Variants in LHFPL3 observed in about 807,000 individuals in gnomAD.
The protein encoded by LHFPL3 is LHFPL tetraspan subfamily member 3.
Under a neutral mutation model 19.3 loss-of-function variants are expected in LHFPL3, and 5 were observed. That is an observed-to-expected ratio of 0.26 (90% confidence interval 0.14 to 0.54). LHFPL3 has a LOEUF of 0.54. Ranked by LOEUF, LHFPL3 falls within the 20% of genes least tolerant of loss-of-function variation. The pLI, the probability that LHFPL3 is intolerant of heterozygous loss-of-function variation, is 0.94. For missense variants in LHFPL3, 249 were observed against 307.4 expected (o/e 0.81, Z 1.42); for synonymous variants, 133 against 126.2 (o/e 1.05, Z -0.36).
rs191864900 is a variant in LHFPL3, at chr7:104,510,157, C to G, written c.445+180933C>G. On this transcript the variant is annotated intron_variant, in intron 1 of 2. Transcript: ENST00000424859. ...CTCACTATAGTAGAGTTATTCTTTCCCAAATTGATTATAGGTTTAGCACAA... is the reference window on the plus strand; with the variant it reads ...CTCACTATAGTAGAGTTATTCTTTCGCAAATTGATTATAGGTTTAGCACAA... Among the ~76,000 whole-genome samples, 8 of 152,038 alleles carry G rather than the reference C, an allele frequency of 5.3e-5. No homozygotes were observed. In the East Asian group the frequency reaches 1.4e-3, roughly 26 times the overall value.
At chr7:104,413,676 C>A (rs773604091) in intron 1 of LHFPL3, among the ~76,000 whole-genome samples, 2 of 152,188 alleles carry the variant, frequency 1.3e-5, no homozygotes, top group Admixed American at 6.5e-5. Flanking sequence ...CGTCCTTCAC[C>A]TTCATGTCCC....
At chr7:104,536,507 C>A (rs966831363) in intron 1 of LHFPL3, among the ~76,000 whole-genome samples, 12 of 152,228 alleles carry the variant, frequency 7.9e-5, no homozygotes, top group Admixed American at 7.8e-4. Flanking sequence ...TCAAATCTGC[C>A]CCTAAAATAA....
At chr7:104,335,865 A>G (rs1266517146) in intron 1 of LHFPL3, among the ~76,000 whole-genome samples, 2 of 151,688 alleles carry the variant, frequency 1.3e-5, no homozygotes, top group African/African-American at 4.8e-5. Flanking sequence ...TGAAAAAAAA[A>G]AAAAAAGAAA....
chr7:104,328,843 G>A lies in LHFPL3; in HGVS notation c.64G>A (p.Ala22Thr). The change falls in exon 1 of 3, where the codon GCC (alanine) becomes ACC (threonine). Residue 22 changes from alanine (A) to threonine (T), a missense_variant. Coordinates refer to ENST00000424859, the MANE Select transcript of LHFPL3 (RefSeq NM_199000.3). The surrounding 1 kb of genome is among the most constrained non-coding windows in gnomAD (Gnocchi z 4.6). ...CGCGATGCTCCCGGCTCAGGAGGCT[G>A]CCAAGCTGTACCACACCAACTATGT... ...AAAMLPAQEA[A>T]KLYHTNYVRN... The A allele has an allele frequency of 6.2e-7, 1 of 1,614,030 alleles. No homozygotes were observed.
chr7:104,585,604 T>C (rs1790558995), intron 1 of LHFPL3, among the ~76,000 whole-genome samples: 1 of 151,976 alleles, frequency 6.6e-6, no homozygotes, highest in African/African-American at 2.4e-5. Context: ...TTCTACAGTA[T>C]GTCAGTTGAT....
At chr7:104,360,303 A>G (rs1236446561) in intron 1 of LHFPL3, among the ~76,000 whole-genome samples, 3 of 152,208 alleles carry the variant, frequency 2.0e-5, no homozygotes, top group Non-Finnish European at 2.9e-5. Flanking sequence ...CATGTTCCAC[A>G]GTTAACCTCC....
intron 2 of LHFPL3, among the ~76,000 whole-genome samples, chr7:104,869,481 C>T (rs1457360858): frequency 6.6e-6 from 1 of 152,062 alleles, no homozygotes; most frequent in Non-Finnish European, 1.5e-5. Context: ...CCAAAAGACA[C>T]ATGAAAAAAT....
At chr7:104,374,935 C>T (rs1419553377) in intron 1 of LHFPL3, among the ~76,000 whole-genome samples, 1 of 152,212 alleles carries the variant, frequency 6.6e-6, no homozygotes, top group Non-Finnish European at 1.5e-5. Context: ...CTGACTTCCT[C>T]TGTCATTTAG....
chr7:104,871,851 T>C (rs1446041290), intron 2 of LHFPL3, among the ~76,000 whole-genome samples: 1 of 151,806 alleles, frequency 6.6e-6, no homozygotes, highest in East Asian at 1.9e-4. Context: ...AGAGACAGGG[T>C]TACTCCATGT....
chr7:104,759,374 T>A (rs554169829), intron 2 of LHFPL3, among the ~76,000 whole-genome samples: 503 of 152,052 alleles, frequency 3.3e-3, no homozygotes, highest in Non-Finnish European at 3.7e-3. Flanking sequence ...TAAATTTTTT[T>A]TTAAAAAAAG....
intron 1 of LHFPL3, among the ~76,000 whole-genome samples, chr7:104,619,786 C>A (rs889149814): frequency 6.6e-6 from 1 of 152,058 alleles, no homozygotes; most frequent in Non-Finnish European, 1.5e-5. Flanking sequence ...ATACAGTAGT[C>A]CCCAATCTTT....
chr7:104,511,845 A>G (rs1300624256), intron 1 of LHFPL3, among the ~76,000 whole-genome samples: 1 of 152,134 alleles, frequency 6.6e-6, no homozygotes, highest in Non-Finnish European at 1.5e-5. Flanking sequence ...TCCATTTAGA[A>G]TCACTCAGTG....
At chr7:104,523,454 C>T (rs1794119626) in intron 1 of LHFPL3, among the ~76,000 whole-genome samples, 1 of 152,122 alleles carries the variant, frequency 6.6e-6, no homozygotes, top group African/African-American at 2.4e-5. Context: ...TATGTGTTAA[C>T]TCTGCCAAAT....
chr7:104,657,490 A>G (rs2115968680), intron 1 of LHFPL3, among the ~76,000 whole-genome samples: 1 of 152,360 alleles, frequency 6.6e-6, no homozygotes, highest in Non-Finnish European at 1.5e-5. Context: ...GTCTTGTTTT[A>G]ATAGCTGCCA....
intron 2 of LHFPL3, among the ~76,000 whole-genome samples, chr7:104,769,654 C>T (rs1794518513): frequency 6.7e-6 from 1 of 149,682 alleles, no homozygotes; most frequent in Admixed American, 6.7e-5. Context: ...GTTCCCCTCC[C>T]TGTGTCCATG....
intron 2 of LHFPL3, among the ~76,000 whole-genome samples, chr7:104,801,552 T>C (rs781048674): frequency 1.1e-4 from 17 of 152,008 alleles, no homozygotes; most frequent in Non-Finnish European, 2.1e-4. Flanking sequence ...TGTTTTTGTA[T>C]GTTTGTTTGT....
At chr7:104,444,562 C>T (rs551296345) in intron 1 of LHFPL3, among the ~76,000 whole-genome samples, 11 of 152,238 alleles carry the variant, frequency 7.2e-5, no homozygotes, top group South Asian at 6.2e-4. Flanking sequence ...TGTTCTTTTC[C>T]GGTAATTCTT....
chr7:104,355,150 C>T (rs1481729637), intron 1 of LHFPL3, among the ~76,000 whole-genome samples: 1 of 152,178 alleles, frequency 6.6e-6, no homozygotes, highest in Non-Finnish European at 1.5e-5. Context: ...CTTTCCATGA[C>T]CACAAATAAA....
intron 1 of LHFPL3, among the ~76,000 whole-genome samples, chr7:104,434,325 A>G (rs1792059595): frequency 1.3e-5 from 2 of 152,264 alleles, no homozygotes; most frequent in Admixed American, 6.5e-5. Context: ...CTATCTTTCC[A>G]TGCCAGCAAT....
Sources: allele counts gnomAD v4.1 joint callset (sites outside exome capture counted in the v4.1 genomes callset), GRCh38; gene constraint gnomAD v4.1.1; non-coding constraint Gnocchi (gnomAD v3.1); transcripts MANE v1.5; gene names NCBI Gene and HGNC (gene_info 2026-07-23, HGNC 2026-07-21).